The following PLA2G6 variants were observed in gnomAD, a reference collection of about 807,000 sequenced individuals.
PLA2G6 encodes phospholipase A2 group VI, also known as 85/88 kDa calcium-independent phospholipase A2.
A neutral mutation model predicts 83.8 loss-of-function variants in PLA2G6; 62 were observed. That is an observed-to-expected ratio of 0.74 (90% CI 0.60 to 0.91). PLA2G6 has a LOEUF of 0.91. Among genes scored for constraint, PLA2G6 ranks in the 40% least tolerant of loss-of-function variants. PLA2G6 has a pLI of 0.00. For synonymous variants in PLA2G6, 417 were observed against 449.8 expected, an observed-to-expected ratio of 0.93 and a Z score of 0.92; for missense variants, 944 against 1,102.0, an observed-to-expected ratio of 0.86 and a Z score of 2.03.
At chr22:38,168,491 C>A (rs1473933550) in intron 2 of PLA2G6, among the ~76,000 whole-genome samples, 10 of 152,222 alleles carry the variant, frequency 6.6e-5, no homozygotes, top group Admixed American at 6.5e-4. Flanking sequence ...CAAGAGGCAA[C>A]AGCTCTGTCC....
intron 2 of PLA2G6, among the ~76,000 whole-genome samples, chr22:38,162,770 A>G (rs914563886): frequency 2.0e-5 from 3 of 152,150 alleles, no homozygotes; most frequent in Non-Finnish European, 4.4e-5. Context: ...GGGGGCAAGG[A>G]GGACCCTACC....
rs111960717 is a variant in PLA2G6, at chr22:38,170,923, C to T, written c.-45-1452G>A. Among the ~76,000 whole-genome samples, 12 of 152,294 alleles carry T rather than the reference C, an allele frequency of 7.9e-5. 1 individual carries two copies. Among genetic ancestry groups the T allele is most frequent in the African/African-American group, 2.9e-4 (12 of 41,566 alleles). ...CGGTGGTTCACGCCTGTAATCCCAG[C>T]ACTTTGGGAGGCCGACTCGGGCGGA... is the stretch of plus-strand genomic sequence containing the variant. On this transcript the variant is annotated intron_variant, in intron 1 of 16. Coordinates refer to ENST00000332509, the MANE Select transcript of PLA2G6 (RefSeq NM_003560.4).
At chr22:38,173,595 G>C (rs531085066) in intron 1 of PLA2G6, among the ~76,000 whole-genome samples, 4 of 152,266 alleles carry the variant, frequency 2.6e-5, no homozygotes, top group African/African-American at 9.6e-5. Context: ...AACCAAGCTT[G>C]CCTGCTGGGT....
chr22:38,120,963 C>A, intron 11 of PLA2G6, 54 bp from the exon 12 acceptor site: 1 of 1,602,422 alleles, frequency 6.2e-7, no homozygotes, highest in Non-Finnish European at 8.5e-7. Flanking sequence ...CGCAGGGCTC[C>A]CGTAGAACAG....
At chr22:38,127,489 G>A in intron 9 of PLA2G6, 1 of 1,283,046 alleles carries the variant, frequency 7.8e-7, no homozygotes, top group Non-Finnish European at 1.0e-6. Flanking sequence ...GATGGGAGGT[G>A]GAGGGGGAGT....
Position 38,126,442 on chromosome 22 carries a change from C to A in PLA2G6, c.1356G>T (p.Gln452His). Residue 452 changes from glutamine to histidine, a missense_variant, in exon 10 of 17, where the codon CAG (glutamine) becomes CAT (histidine). Physicochemically the swap from Gln to His is conservative, Grantham distance 24. Coordinates refer to ENST00000332509, the MANE Select transcript of PLA2G6 (RefSeq NM_003560.4). ...GGGCCCGTGAGATGTGCATGAGATC[C>A]TGTAGTTCTGTGAGGCACAGAGCAG... Reference protein sequence around the residue: ...PPISLNNLELQDLMHISRARK... With the variant: ...PPISLNNLELHDLMHISRARK... 2 of 1,612,990 alleles carry A rather than the reference C, an allele frequency of 1.2e-6. No individual in the cohort carries two copies. The highest frequency in any genetic ancestry group is 1.7e-6 in the Non-Finnish European group (2 of 1,179,652).
In PLA2G6 at chr22:38,169,314, A is replaced by T; in HGVS notation, c.113T>A (p.Val38Asp). The change falls in exon 2 of 17, where the codon GTT becomes GAT. Residue 38 changes from valine to aspartate, a missense_variant. By Grantham distance (152) the Val-to-Asp change is radical (BLOSUM62 -3). Transcript: ENST00000332509. ...AVADYTSSDRVREEGQLILFQ... is the reference protein window; with the variant it reads ...AVADYTSSDRDREEGQLILFQ... ...CAGAATCAGCTGCCCTTCCTCCCGA[A>T]CTCGGTCACTCGAGGTGTAGTCGGC... 6.2e-7 allele frequency: 1 copy of T among 1,614,104 alleles called. No individual in the cohort carries two copies. The highest frequency in any genetic ancestry group is 8.5e-7 in the Non-Finnish European group (1 of 1,180,012).
Position 38,156,358 on chromosome 22 carries a change from C to T in PLA2G6, c.210-10705G>A, listed in dbSNP as rs182128478. Among the ~76,000 whole-genome samples the T allele has an allele frequency of 1.2e-3, 182 of 152,302 alleles. 1 individual carries two copies. Among genetic ancestry groups the T allele is most frequent in the African/African-American group, 3.7e-3 (153 of 41,578 alleles). On this transcript the variant is annotated intron_variant, in intron 2 of 16. Coordinates refer to ENST00000332509, the MANE Select transcript of PLA2G6 (RefSeq NM_003560.4). ...GATATTTACAGAACATTTCATCCAA[C>T]GGCTGCAGAATACACATTCTTCTCC...
At chr22:38,119,749 G>A (rs1330876233) in intron 12 of PLA2G6, among the ~76,000 whole-genome samples, 1 of 152,034 alleles carries the variant, frequency 6.6e-6, no homozygotes, top group Non-Finnish European at 1.5e-5. Flanking sequence ...GGAGGTCGAG[G>A]CTGCAGTAAG....
chr22:38,148,053 A>G (rs1316277317), intron 2 of PLA2G6: 1 of 169,266 alleles, frequency 5.9e-6, no homozygotes, highest in Non-Finnish European at 1.3e-5. Flanking sequence ...CAGCCTCTCA[A>G]CATCAGGGTA....
At chr22:38,150,671 G>T (rs965488616) in intron 2 of PLA2G6, 1 of 152,162 alleles carries the variant, frequency 6.6e-6, no homozygotes, top group African/African-American at 2.4e-5. Flanking sequence ...ATACAAGGAG[G>T]AAATATTTAA....
intron 15 of PLA2G6, 106 bp from the exon 16 acceptor site, chr22:38,112,683 G>A: frequency 1.1e-6 from 1 of 935,578 alleles, no homozygotes; most frequent in African/African-American, 1.6e-5. Flanking sequence ...GGAGCCCCAG[G>A]CTCTTTCGAG....
Position 38,133,025 on chromosome 22 carries a change from G to A in PLA2G6, c.895-12C>T, listed in dbSNP as rs375614953. On this transcript the variant is annotated splice_polypyrimidine_tract_variant and intron_variant, in intron 6 of 16. Coordinates refer to ENST00000332509, the MANE Select transcript of PLA2G6 (RefSeq NM_003560.4). ...AGCATGCGGGCCATCTGCGGGAGAC[G>A]GTCAGGCTGAGTTAGCACAGGCACT... is the stretch of plus-strand genomic sequence containing the variant. 1.8e-4 allele frequency: 277 copies of A among 1,555,894 alleles called. No individual in the cohort carries two copies. Among genetic ancestry groups the A allele is most frequent in the South Asian group, 5.0e-4 (42 of 84,702 alleles).
In PLA2G6 at chr22:38,123,185, C is replaced by T. The variant is rs587784332; in HGVS notation, c.1501G>A (p.Glu501Lys). The T allele has an allele frequency of 1.9e-6, 3 of 1,552,570 alleles. No individual in the cohort carries two copies. Among genetic ancestry groups the T allele is most frequent in the Non-Finnish European group, 2.6e-6 (3 of 1,148,078 alleles). The change falls in exon 11 of 17, where the codon GAG (glutamate) becomes AAG (lysine). Residue 501 changes from glutamate to lysine, a missense_variant. By Grantham distance (56) the Glu-to-Lys change is moderately conservative. Coordinates refer to ENST00000332509, the MANE Select transcript of PLA2G6 (RefSeq NM_003560.4). This position sits in a 1 kb window ranked among gnomAD's most constrained non-coding sequence, Gnocchi z 4.1. ...LIIIQLLIAI[E>K]KASGVATKDL... is the part of the protein sequence containing the mutation. ...TTGGTGGCCACACCCGAGGCCTTCTCGATGGCGATGAGGAGCTGGATGATG... is the reference window on the plus strand; with the variant it reads ...TTGGTGGCCACACCCGAGGCCTTCTTGATGGCGATGAGGAGCTGGATGATG...
At chr22:38,129,194 T>C (rs1270060561) in intron 8 of PLA2G6, among the ~76,000 whole-genome samples, 1 of 152,222 alleles carries the variant, frequency 6.6e-6, no homozygotes, top group Admixed American at 6.5e-5. Context: ...GCTGGGAATC[T>C]TAGCTCCCTG....
rs995653548 is a variant in PLA2G6, at chr22:38,145,520, G to A, written c.343C>T (p.Arg115Cys). 29 of 1,613,278 alleles carry A rather than the reference G, an allele frequency of 1.8e-5. No individual in the cohort carries two copies. Among genetic ancestry groups the A allele is most frequent in the East Asian group, 2.2e-5 (1 of 44,874 alleles). The stretch of plus-strand genomic sequence containing the variant: ...GCCACTGACCAGCTGGGGTGGTTAC[G>A]GATGAGGTCGGTCAGGTGCTGCAGG... ...EVLQHLTDLI[R>C]NHPSWSVAHL... Residue 115 changes from arginine to cysteine, a missense_variant, in exon 3 of 17, where the codon CGT becomes TGT. Arg to Cys is a radical substitution (Grantham distance 180). Transcript: ENST00000332509.
chr22:38,181,069 C>T (rs1268766130), intron 1 of PLA2G6, among the ~76,000 whole-genome samples: 1 of 152,092 alleles, frequency 6.6e-6, no homozygotes, highest in East Asian at 1.9e-4. Context: ...CCCTCCCTGT[C>T]CCACACCCAC....
At chr22:38,155,676 G>A (rs1175327282) in intron 2 of PLA2G6, among the ~76,000 whole-genome samples, 1 of 151,920 alleles carries the variant, frequency 6.6e-6, no homozygotes, top group African/African-American at 2.4e-5. Context: ...AAAACATACA[G>A]CAGATACACA....
At chr22:38,173,098 G>A (rs1209447813) in intron 1 of PLA2G6, among the ~76,000 whole-genome samples, 2 of 152,214 alleles carry the variant, frequency 1.3e-5, no homozygotes, top group South Asian at 2.1e-4. Flanking sequence ...CCAGGAAGGC[G>A]GGCCAGCAGG....
Sources: allele counts gnomAD v4.1 joint callset (sites outside exome capture counted in the v4.1 genomes callset), GRCh38; gene constraint gnomAD v4.1.1; non-coding constraint Gnocchi (gnomAD v3.1); transcripts MANE v1.5; gene names NCBI Gene and HGNC (gene_info 2026-07-23, HGNC 2026-07-21).